The following PCDHGB5 variants were observed in gnomAD, a reference collection of about 807,000 sequenced individuals.
PCDHGB5 encodes the protein protocadherin gamma subfamily B, 5, also known as protocadherin gamma-B5.
In PCDHGB5, 48 loss-of-function variants were observed where a neutral mutation model predicts 62.9. That is an observed-to-expected ratio of 0.76 (90% CI 0.61 to 0.97). PCDHGB5 has a LOEUF of 0.97. PCDHGB5 is among the 50% of genes least tolerant of loss of function. PCDHGB5 has a pLI of 0.00. For missense variants in PCDHGB5, 1,118 were observed against 1,198.6 expected (o/e 0.93, Z 0.99); for synonymous variants, 474 against 511.2 (o/e 0.93, Z 0.98).
At chr5:141,403,699 T>G (rs780425739) in intron 1 of PCDHGB5, 6 of 1,613,934 alleles carry the variant, frequency 3.7e-6, no homozygotes, top group East Asian at 2.2e-5. Context: ...TTTACCGAGT[T>G]AAAGTCCTTG....
intron 1 of PCDHGB5, among the ~76,000 whole-genome samples, chr5:141,460,684 T>C (rs1417815686): frequency 6.6e-6 from 1 of 152,074 alleles, no homozygotes; most frequent in Non-Finnish European, 1.5e-5. Context: ...TATCTATATA[T>C]CCACCAACAG....
chr5:141,464,843 A>G lies in PCDHGB5; in HGVS notation c.2398-29964A>G, dbSNP rs183890796. On this transcript the variant is annotated intron_variant, in intron 1 of 3. Coordinates refer to ENST00000617380, the MANE Select transcript of PCDHGB5 (RefSeq NM_018925.3). Reference sequence around the variant, plus strand: ...AGCCTCGCACTCCTGGGCTCAAGCAATCCTCCTACCTTAGCCTCCCAAGTA... The same window carrying G: ...AGCCTCGCACTCCTGGGCTCAAGCAGTCCTCCTACCTTAGCCTCCCAAGTA... 1.5e-3 allele frequency among the ~76,000 whole-genome samples: 231 copies of G among 152,234 alleles called. 1 individual carries two copies. Among genetic ancestry groups the G allele is most frequent in the Non-Finnish European group, 2.3e-3 (159 of 68,018 alleles).
intron 3 of PCDHGB5, among the ~76,000 whole-genome samples, chr5:141,507,898 C>T (rs577177417): frequency 1.3e-5 from 2 of 152,310 alleles, no homozygotes; most frequent in East Asian, 1.9e-4. Flanking sequence ...TTCCTGAAGT[C>T]CAGCCCAGCC....
At chr5:141,472,066 T>C (rs1440684719) in intron 1 of PCDHGB5, among the ~76,000 whole-genome samples, 1 of 152,140 alleles carries the variant, frequency 6.6e-6, no homozygotes, top group African/African-American at 2.4e-5. Flanking sequence ...GACATGTCTG[T>C]GGTTATATCA....
In PCDHGB5 at chr5:141,418,416, C is replaced by G. The variant is rs377542164; in HGVS notation, c.2397+17892C>G. The G allele has an allele frequency of 2.9e-5, 46 of 1,613,866 alleles. No homozygotes were observed. Among genetic ancestry groups the G allele is most frequent in the Non-Finnish European group, 3.4e-5 (40 of 1,179,880 alleles). ...TTCTCATTGGTGGAGAAAGACAATC[C>G]TGATGGTGGCAAATATCCAGAATTA... On this transcript the variant is annotated intron_variant, in intron 1 of 3. Transcript: ENST00000617380.
Position 141,511,409 on chromosome 5 carries a change from G to C in PCDHGB5, c.*236G>C, listed in dbSNP as rs999907393. On this transcript the variant is annotated 3_prime_UTR_variant, in exon 4 of 4. Coordinates refer to ENST00000617380, the MANE Select transcript of PCDHGB5 (RefSeq NM_018925.3). Reference sequence around the variant, plus strand: ...GGGAACCCCCATCCAATCAACTGCTGTACCCATGGGGGTAGTGGGGTTACT... The same window carrying C: ...GGGAACCCCCATCCAATCAACTGCTCTACCCATGGGGGTAGTGGGGTTACT... The C allele has an allele frequency of 1.1e-6, 1 of 908,516 alleles. No homozygotes were observed. The highest frequency in any genetic ancestry group is 1.7e-5 in the African/African-American group (1 of 59,504). The allele number at this position is 908,516 out of a possible 1,614,324, so 56.3% of individuals were successfully genotyped here.
At chr5:141,441,981 C>A in intron 1 of PCDHGB5, 1 of 278,140 alleles carries the variant, frequency 3.6e-6, no homozygotes, top group South Asian at 3.6e-5. Context: ...GCCTGGAATG[C>A]GCACCGACGA....
intron 1 of PCDHGB5, chr5:141,433,292 C>A: frequency 9.2e-7 from 1 of 1,082,526 alleles, no homozygotes; most frequent in South Asian, 1.6e-5. Context: ...CTCCTAGGCT[C>A]AAGCAATTAT....
chr5:141,507,632 G>A (rs551849213), intron 3 of PCDHGB5, among the ~76,000 whole-genome samples: 6 of 152,360 alleles, frequency 3.9e-5, no homozygotes, highest in Non-Finnish European at 7.3e-5. Flanking sequence ...GTGGCCTTGC[G>A]CCCTGAGGCC....
rs1241912384 is a variant in PCDHGB5 at position 141,404,765 on chromosome 5, T to C, written c.2397+4241T>C. ...AGACTCAGGCCAGAATGCTTGGCTC[T>C]CCTACCGCCTATTCAAGGCCAGTGA... On this transcript the variant is annotated intron_variant, in intron 1 of 3. Coordinates refer to ENST00000617380, the MANE Select transcript of PCDHGB5 (RefSeq NM_018925.3). 2.5e-6 allele frequency: 4 copies of C among 1,613,120 alleles called. No individual in the cohort carries two copies. The Admixed American group carries it at 6.7e-5, about 27-fold the overall frequency.
Position 141,415,037 on chromosome 5 carries a change from T to G in PCDHGB5, c.2397+14513T>G, listed in dbSNP as rs775779136. The G allele has an allele frequency of 5.0e-6, 8 of 1,613,384 alleles. No homozygotes were observed. In the Admixed American group the frequency reaches 8.3e-5, roughly 17 times the overall value. ...CTCAAGGCCAGCGAGCCGGGACTCT[T>G]CGCGGTGGGGGAGCACACGGGCGAG... is the stretch of plus-strand genomic sequence containing the variant. On this transcript the variant is annotated intron_variant, in intron 1 of 3. Coordinates refer to ENST00000617380, the MANE Select transcript of PCDHGB5 (RefSeq NM_018925.3).
At chr5:141,484,877 G>T in intron 1 of PCDHGB5, 1 of 338,660 alleles carries the variant, frequency 3.0e-6, no homozygotes, top group Non-Finnish European at 5.4e-6. Context: ...GTGGAGGATA[G>T]GGTGGGCTTT....
At chr5:141,418,599 A>G in intron 1 of PCDHGB5, 1 of 1,614,054 alleles carries the variant, frequency 6.2e-7, no homozygotes, top group South Asian at 1.1e-5. Flanking sequence ...CAGGACGTGT[A>G]CAGGGTTAGC....
chr5:141,404,261 C>G, intron 1 of PCDHGB5: 1 of 1,613,950 alleles, frequency 6.2e-7, no homozygotes. Flanking sequence ...CACAGAAATT[C>G]ACATCACCCT....
rs1389786201 is a variant in PCDHGB5, at chr5:141,486,949, G to A, written c.2398-7858G>A. 4 of 1,614,224 alleles carry A rather than the reference G, an allele frequency of 2.5e-6. No individual in the cohort carries two copies. Among genetic ancestry groups the A allele is most frequent in the African/African-American group, 2.7e-5 (2 of 75,064 alleles). ...TTGGTGCTGGCCACCTAATCACAAA[G>A]GTGACTGCTGTGGACTTGGATTCAG... On this transcript the variant is annotated intron_variant, in intron 1 of 3. Coordinates refer to ENST00000617380, the MANE Select transcript of PCDHGB5 (RefSeq NM_018925.3). The surrounding 1 kb of genome is among the most constrained non-coding windows in gnomAD (Gnocchi z 5.0).
intron 1 of PCDHGB5, chr5:141,441,824 G>A (rs1561905347): frequency 5.6e-6 from 2 of 356,750 alleles, no homozygotes; most frequent in South Asian, 4.7e-5. Flanking sequence ...GCTCTGGAGC[G>A]CAATGGCTTC....
At chr5:141,426,667 A>G in intron 1 of PCDHGB5, 2 of 430,860 alleles carry the variant, frequency 4.6e-6, no homozygotes, top group Non-Finnish European at 9.5e-6. Context: ...ATAAATGATA[A>G]CCCACCTCAT....
At position 141,512,967 on chromosome 5, in the gene PCDHGB5, T is replaced by C. The variant is rs2099884538; in HGVS notation, c.*1794T>C. ...CGACAAAAAAATAATAAAACGTTTC[T>C]TCTGAAAAGCTGAACGTTTCTGTAT... On this transcript the variant is annotated 3_prime_UTR_variant, in exon 4 of 4. Transcript: ENST00000617380. The C allele has an allele frequency of 6.6e-6, 1 of 152,260 alleles. No individual in the cohort carries two copies. Among genetic ancestry groups the C allele is most frequent in the South Asian group, 2.1e-4 (1 of 4,832 alleles). The allele number at this position is 152,260 out of a possible 1,614,324, so 9.4% of individuals were successfully genotyped here.
Position 141,476,525 on chromosome 5 carries a change from A to T in PCDHGB5, c.2398-18282A>T, listed in dbSNP as rs766638463. On this transcript the variant is annotated intron_variant, in intron 1 of 3. Coordinates refer to ENST00000617380, the MANE Select transcript of PCDHGB5 (RefSeq NM_018925.3). This position sits in a 1 kb window ranked among gnomAD's most constrained non-coding sequence, Gnocchi z 7.6. ...CAACGACAACAATCCTGCTTTCCCTACCCAGGAAATGAAATTGGAGATTAG... is the reference window on the plus strand; with the variant it reads ...CAACGACAACAATCCTGCTTTCCCTTCCCAGGAAATGAAATTGGAGATTAG... The T allele has an allele frequency of 6.2e-7, 1 of 1,614,068 alleles. No homozygotes were observed. The highest frequency in any genetic ancestry group is 2.2e-5 in the East Asian group (1 of 44,854).
Sources: gnomAD v4.1 joint callset for allele counts (sites outside exome capture counted in the v4.1 genomes callset) on GRCh38, gnomAD v4.1.1 for gene constraint, Gnocchi (gnomAD v3.1) non-coding constraint, MANE v1.5 for transcripts, NCBI Gene and HGNC (gene_info 2026-07-23, HGNC 2026-07-21) for gene names.